DPP6: variants seen among roughly 807,000 people sequenced by gnomAD.
DPP6 encodes the protein A-type potassium channel modulatory protein DPP6.
In DPP6, 69 loss-of-function variants were observed where a neutral mutation model predicts 122.6. The observed-to-expected ratio is 0.56, with a 90% CI of 0.46 to 0.69. The LOEUF (loss-of-function observed/expected upper bound fraction) is 0.69. Among genes scored for constraint, DPP6 ranks in the 30% least tolerant of loss-of-function variants. DPP6 has a pLI of 0.00. For synonymous variants in DPP6, 418 were observed against 433.1 expected, an observed-to-expected ratio of 0.97 and a Z score of 0.43; for missense variants, 928 against 1,116.9, an observed-to-expected ratio of 0.83 and a Z score of 2.41.
At chr7:154,158,053 T>G (rs551303521) in intron 1 of DPP6, among the ~76,000 whole-genome samples, 87 of 149,474 alleles carry the variant, frequency 5.8e-4, no homozygotes, top group African/African-American at 1.9e-3. Flanking sequence ...AGATGAAGAT[T>G]AACTCTTCCG....
chr7:154,082,654 C>T (rs1472175873), intron 1 of DPP6, among the ~76,000 whole-genome samples: 3 of 151,860 alleles, frequency 2.0e-5, no homozygotes, highest in African/African-American at 2.4e-5. Context: ...GACCCTCACC[C>T]CTTCCTCCAC....
intron 1 of DPP6, among the ~76,000 whole-genome samples, chr7:154,265,238 A>G (rs1278682328): frequency 2.6e-5 from 4 of 151,992 alleles, no homozygotes; most frequent in Non-Finnish European, 5.9e-5. Context: ...GGTGACAGTG[A>G]TGATGTTGAT....
chr7:154,060,067 C>G (rs1264181093), intron 1 of DPP6, among the ~76,000 whole-genome samples: 6 of 150,470 alleles, frequency 4.0e-5, no homozygotes, highest in Non-Finnish European at 8.9e-5. Flanking sequence ...TCTTCCCCCC[C>G]TGGCTCTTGG....
Position 154,557,523 on chromosome 7 carries a change from C to G in DPP6, c.553-9319C>G, listed in dbSNP as rs74580774. On this transcript the variant is annotated intron_variant, in intron 4 of 25. Transcript: ENST00000377770. ...ATTATAACCCAGTCACCGTTAGGCA[C>G]TGGGAATAGAACCGTGGCAAAACAA... Among the ~76,000 whole-genome samples, 1,013 of 152,180 alleles carry G rather than the reference C, an allele frequency of 6.7e-3. 8 individuals are homozygous for G. Among genetic ancestry groups the G allele is most frequent in the African/African-American group, 0.022 (934 of 41,532 alleles).
At chr7:153,928,580 A>G (rs572678198) in intron 1 of DPP6, among the ~76,000 whole-genome samples, 1 of 151,284 alleles carries the variant, frequency 6.6e-6, no homozygotes, top group African/African-American at 2.4e-5. Context: ...ACTTCTTGCT[A>G]TGTCTTCACA....
the DPP6 span, among the ~76,000 whole-genome samples, chr7:153,784,201 G>A: frequency 2.0e-5 from 3 of 152,156 alleles, no homozygotes; most frequent in Non-Finnish European, 4.4e-5. Flanking sequence ...AAATGTGCAA[G>A]CAGCATTTTG....
chr7:154,061,762 G>T (rs372128439), intron 1 of DPP6, among the ~76,000 whole-genome samples: 1,131 of 78,688 alleles, frequency 0.014, 7 homozygotes, highest in Non-Finnish European at 0.017. Context: ...CTGGCTCTTT[G>T]CACCCCCATC....
Position 154,892,574 on chromosome 7 carries a change from G to T in DPP6, c.*94G>T. The T allele has an allele frequency of 6.4e-7, 1 of 1,563,436 alleles. No individual in the cohort carries two copies. Among genetic ancestry groups the T allele is most frequent in the Non-Finnish European group, 8.7e-7 (1 of 1,153,928 alleles). ...CTCCCTCTTCCCTCGGAGGGGCGGG[G>T]CGGGGCGGGGCCGGGTGTTCCATAG... On this transcript the variant is annotated 3_prime_UTR_variant, in exon 26 of 26. Transcript: ENST00000377770.
At chr7:154,231,877 C>G (rs568319669) in intron 1 of DPP6, among the ~76,000 whole-genome samples, 1 of 152,284 alleles carries the variant, frequency 6.6e-6, no homozygotes, top group East Asian at 1.9e-4. Context: ...TACTTGTAGC[C>G]CTTGAGGTCA....
At chr7:154,168,621 C>T (rs563426277) in intron 1 of DPP6, among the ~76,000 whole-genome samples, 38 of 152,270 alleles carry the variant, frequency 2.5e-4, no homozygotes, top group African/African-American at 8.2e-4. Context: ...GTAAGTGGCT[C>T]CATATGGGCC....
chr7:154,459,799 C>T (rs1344069326), intron 2 of DPP6, among the ~76,000 whole-genome samples: 7 of 114,486 alleles, frequency 6.1e-5, no homozygotes, highest in Non-Finnish European at 1.0e-4. Flanking sequence ...GAGTGAGATT[C>T]CATCTCAAAA....
rs35853479 is a variant in DPP6, at chr7:154,543,993, CA to C, written c.552+3387del. ...TGGGCAACAGAGTGAGACTCCATCTCAAAAAAAAAAAAAAAAAAAAGAGTTT... is the reference window on the plus strand; with the variant it reads ...TGGGCAACAGAGTGAGACTCCATCTCAAAAAAAAAAAAAAAAAAAGAGTTT... On this transcript the variant is annotated intron_variant, in intron 4 of 25. Coordinates refer to ENST00000377770, the MANE Select transcript of DPP6 (RefSeq NM_130797.4). Among the ~76,000 whole-genome samples, 685 of 68,880 alleles carry C rather than the reference CA, an allele frequency of 9.9e-3. 5 individuals carry two copies. Among genetic ancestry groups the C allele is most frequent in the East Asian group, 0.067 (140 of 2,084 alleles). The allele number at this position is 68,880 out of a possible 152,430, so 45.2% of individuals were successfully genotyped here.
intron 10 of DPP6, among the ~76,000 whole-genome samples, chr7:154,781,226 A>T (rs1468652563): frequency 6.6e-6 from 1 of 152,176 alleles, no homozygotes; most frequent in African/African-American, 2.4e-5. Context: ...AAATAGATAG[A>T]TGGGTGCTGA....
At chr7:154,341,943 T>C (rs1302983158) in intron 1 of DPP6, among the ~76,000 whole-genome samples, 2 of 152,176 alleles carry the variant, frequency 1.3e-5, no homozygotes, top group East Asian at 3.9e-4. Flanking sequence ...TTGCTGGGAA[T>C]GAGTTGCCAT....
intron 1 of DPP6, among the ~76,000 whole-genome samples, chr7:154,232,255 G>A (rs1309403908): frequency 2.6e-5 from 4 of 152,272 alleles, no homozygotes; most frequent in African/African-American, 9.6e-5. Context: ...CCAAGAAACA[G>A]CAATCAAGAT....
chr7:154,010,556 C>T (rs145106906), intron 1 of DPP6, among the ~76,000 whole-genome samples: 1 of 152,166 alleles, frequency 6.6e-6, no homozygotes, highest in Admixed American at 6.5e-5. Context: ...TTTTAAACTA[C>T]AAAATAAAAC....
At position 154,892,832 on chromosome 7, in the gene DPP6, C is replaced by T; in HGVS notation, c.*352C>T. ...GACACCGGCCCCTAGATTCCAGCCACCAAGCGGAAGCATGAGACCCGCCCA... is the reference window on the plus strand; with the variant it reads ...GACACCGGCCCCTAGATTCCAGCCATCAAGCGGAAGCATGAGACCCGCCCA... On this transcript the variant is annotated 3_prime_UTR_variant, in exon 26 of 26. Transcript: ENST00000377770. 1.8e-6 allele frequency: 1 copy of T among 551,680 alleles called. No individual in the cohort carries two copies. The highest frequency in any genetic ancestry group is 3.5e-6 in the Non-Finnish European group (1 of 281,930). The allele number at this position is 551,680 out of a possible 1,614,324, so 34.2% of individuals were successfully genotyped here.
intron 1 of DPP6, among the ~76,000 whole-genome samples, chr7:154,156,760 T>A (rs1009212125): frequency 9.2e-5 from 14 of 151,946 alleles, no homozygotes; most frequent in Non-Finnish European, 1.6e-4. Context: ...TTAATGGAGG[T>A]ATAGATAGGT....
At chr7:154,215,667 C>A (rs1266098514) in intron 1 of DPP6, among the ~76,000 whole-genome samples, 1 of 152,122 alleles carries the variant, frequency 6.6e-6, no homozygotes, top group Non-Finnish European at 1.5e-5. Context: ...ATCTGGGTGT[C>A]ACCAGACAGT....
Sources: gnomAD v4.1 joint callset for allele counts (sites outside exome capture counted in the v4.1 genomes callset) on GRCh38, gnomAD v4.1.1 for gene constraint, MANE v1.5 for transcripts, NCBI Gene and HGNC (gene_info 2026-07-23, HGNC 2026-07-21) for gene names.